Variants in SGCZ observed in about 807,000 individuals in gnomAD.
The protein encoded by SGCZ is zeta-sarcoglycan.
In SGCZ, 40 loss-of-function variants were observed where a neutral mutation model predicts 41.3. The ratio of observed to expected loss-of-function variants is 0.97; its 90% CI spans 0.75 to 1.26. SGCZ has a LOEUF of 1.26. Among genes scored for constraint, SGCZ ranks in the 50% most tolerant of loss-of-function variants. The pLI is 0.00. For synonymous variants in SGCZ, 206 were observed against 137.5 expected (o/e 1.50, Z -3.49); for missense variants, 552 against 369.8 (o/e 1.49, Z -4.04).
chr8:14,964,397 T>C (rs537216686), intron 1 of SGCZ, among the ~76,000 whole-genome samples: 1 of 152,298 alleles, frequency 6.6e-6, no homozygotes, highest in African/African-American at 2.4e-5. Flanking sequence ...TTTTCACCAA[T>C]AGATATCAGG....
At chr8:14,556,994 T>A (rs1185688165) in intron 1 of SGCZ, among the ~76,000 whole-genome samples, 2 of 152,060 alleles carry the variant, frequency 1.3e-5, no homozygotes, top group African/African-American at 4.8e-5. Context: ...ATTTAATTAT[T>A]TCAGGAATCT....
intron 1 of SGCZ, among the ~76,000 whole-genome samples, chr8:14,907,841 C>T (rs1349077632): frequency 6.6e-6 from 1 of 152,188 alleles, no homozygotes; most frequent in Non-Finnish European, 1.5e-5. Flanking sequence ...ACTATTAAAA[C>T]ATACCAAGTA....
intron 2 of SGCZ, among the ~76,000 whole-genome samples, chr8:14,496,398 T>C (rs1585594012): frequency 6.6e-6 from 1 of 152,240 alleles, no homozygotes; most frequent in East Asian, 1.9e-4. Flanking sequence ...TAAATTCTGC[T>C]GGAAAAAGGA....
At chr8:15,029,897 T>C (rs1180649247) in intron 1 of SGCZ, among the ~76,000 whole-genome samples, 1 of 152,056 alleles carries the variant, frequency 6.6e-6, no homozygotes, top group Non-Finnish European at 1.5e-5. Context: ...GTGTAGTCTC[T>C]TTCAAAGCAA....
chr8:15,163,344 T>C (rs985549556), intron 1 of SGCZ, among the ~76,000 whole-genome samples: 3 of 152,206 alleles, frequency 2.0e-5, no homozygotes, highest in Admixed American at 1.3e-4. Context: ...AACTACTAAG[T>C]AGGAGATCCA....
At chr8:14,962,278 A>G (rs979263073) in intron 1 of SGCZ, among the ~76,000 whole-genome samples, 3 of 152,232 alleles carry the variant, frequency 2.0e-5, no homozygotes, top group Admixed American at 2.0e-4. Flanking sequence ...ATTCCTTAAT[A>G]TATTATACCA....
chr8:14,410,985 A>G (rs960346991), intron 2 of SGCZ, among the ~76,000 whole-genome samples: 10 of 152,278 alleles, frequency 6.6e-5, no homozygotes, highest in African/African-American at 2.4e-4. Flanking sequence ...TAGCAATTTT[A>G]AAAACAAGAT....
At position 14,085,208 on chromosome 8, in the gene SGCZ, G is replaced by T. The variant is rs1196881931; in HGVS notation, c.*5235C>A. ...CAGCTTTTGTAATTTTGGTAATATT[G>T]CAATTTTACAAACATGTTGCATAGT... On this transcript the variant is annotated 3_prime_UTR_variant, in exon 8 of 8. Coordinates refer to ENST00000382080, the MANE Select transcript of SGCZ (RefSeq NM_139167.4). Among the ~76,000 whole-genome samples the T allele has an allele frequency of 1.3e-5, 2 of 151,646 alleles. No individual in the cohort carries two copies. Among genetic ancestry groups the T allele is most frequent in the African/African-American group, 4.8e-5 (2 of 41,354 alleles).
At chr8:14,318,304 A>T (rs1010481280) in intron 3 of SGCZ, among the ~76,000 whole-genome samples, 1 of 151,966 alleles carries the variant, frequency 6.6e-6, no homozygotes, top group Non-Finnish European at 1.5e-5. Flanking sequence ...CTATACATCA[A>T]ACTCCAGAAA....
intron 1 of SGCZ, among the ~76,000 whole-genome samples, chr8:15,215,591 A>G (rs531447461): frequency 1.4e-4 from 21 of 152,264 alleles, no homozygotes; most frequent in African/African-American, 4.8e-4. Flanking sequence ...GACATTTTTT[A>G]GGTTGCTGTG....
intron 1 of SGCZ, among the ~76,000 whole-genome samples, chr8:14,937,985 T>C (rs1244427166): frequency 6.6e-6 from 1 of 152,266 alleles, no homozygotes; most frequent in South Asian, 2.1e-4. Flanking sequence ...AAAGTCAGCT[T>C]AAGAAATGTT....
intron 2 of SGCZ, among the ~76,000 whole-genome samples, chr8:14,464,221 T>C (rs1800982782): frequency 6.6e-6 from 1 of 151,744 alleles, no homozygotes; most frequent in African/African-American, 2.4e-5. Flanking sequence ...TTGGGTAGAA[T>C]CCACTGGTGA....
chr8:14,216,662 G>T (rs1211175553), intron 4 of SGCZ, among the ~76,000 whole-genome samples: 1 of 151,942 alleles, frequency 6.6e-6, no homozygotes, highest in Non-Finnish European at 1.5e-5. Flanking sequence ...AACGGATCCA[G>T]AAAAATACTT....
chr8:15,086,798 T>C (rs1805965545), intron 1 of SGCZ, among the ~76,000 whole-genome samples: 1 of 152,208 alleles, frequency 6.6e-6, no homozygotes, highest in Admixed American at 6.6e-5. Context: ...TATTTTTTTC[T>C]CTCTGCATTG....
At chr8:14,548,529 T>A (rs2117170895) in intron 2 of SGCZ, among the ~76,000 whole-genome samples, 1 of 152,258 alleles carries the variant, frequency 6.6e-6, no homozygotes, top group African/African-American at 2.4e-5. Flanking sequence ...TTCTGAATTT[T>A]AAAAATTTGG....
chr8:14,716,194 C>A (rs1392951283), intron 1 of SGCZ, among the ~76,000 whole-genome samples: 1 of 149,796 alleles, frequency 6.7e-6, no homozygotes, highest in Non-Finnish European at 1.5e-5. Context: ...AATAAAAATA[C>A]AACAGAATAA....
At chr8:14,325,548 G>A (rs547043838) in intron 2 of SGCZ, among the ~76,000 whole-genome samples, 3 of 143,438 alleles carry the variant, frequency 2.1e-5, no homozygotes, top group Non-Finnish European at 4.6e-5. Context: ...ATATATAATA[G>A]ATTATATATA....
At chr8:15,203,418 A>G (rs1268871363) in intron 1 of SGCZ, among the ~76,000 whole-genome samples, 1 of 152,166 alleles carries the variant, frequency 6.6e-6, no homozygotes, top group Non-Finnish European at 1.5e-5. Context: ...CTGCAGTTTC[A>G]TTATGCACAT....
chr8:14,190,601 ATTTC>A (rs1805068406), intron 4 of SGCZ, among the ~76,000 whole-genome samples: 1 of 151,368 alleles, frequency 6.6e-6, no homozygotes, highest in Non-Finnish European at 1.5e-5. Flanking sequence ...TCTTCTCTTA[ATTTC>A]TTTTTTTGTT....
Sources: gnomAD v4.1 joint callset for allele counts (sites outside exome capture counted in the v4.1 genomes callset) on GRCh38, gnomAD v4.1.1 for gene constraint, MANE v1.5 for transcripts, NCBI Gene and HGNC (gene_info 2026-07-23, HGNC 2026-07-21) for gene names.